Variants in POU2F2 observed in about 807,000 individuals in gnomAD.
POU2F2 encodes POU class 2 homeobox 2.
Under a neutral mutation model 63.5 loss-of-function variants are expected in POU2F2, and 14 were observed. The ratio of observed to expected loss-of-function variants is 0.22; its 90% CI spans 0.15 to 0.34. POU2F2 has a LOEUF of 0.34. POU2F2 is among the 10% of genes least tolerant of loss of function. The pLI is 1.00. For synonymous variants in POU2F2, 306 were observed against 348.6 expected (o/e 0.88, Z 1.36); for missense variants, 607 against 815.2 (o/e 0.74, Z 3.11).
Position 42,122,462 on chromosome 19 carries a change from C to A in POU2F2, c.94+49G>T, listed in dbSNP as rs528335693. ...CCCAGCTCTCTTCCCATCTGTCCCA[C>A]TTCCCCTGCCCACGGTGACCCCTGC... is the stretch of plus-strand genomic sequence containing the variant. On this transcript the variant is annotated intron_variant, in intron 2 of 14. Coordinates refer to ENST00000692977, the MANE Select transcript of POU2F2 (RefSeq NM_001394376.1). 3.1e-6 allele frequency: 5 copies of A among 1,608,290 alleles called. No individual in the cohort carries two copies. In the African/African-American group the frequency reaches 4.0e-5, roughly 13 times the overall value.
chr19:42,144,015 G>A (rs1180969529), intron 2 of POU2F2, among the ~76,000 whole-genome samples: 1 of 152,096 alleles, frequency 6.6e-6, no homozygotes, highest in Non-Finnish European at 1.5e-5. Context: ...GCCAGCACAG[G>A]GAGCATGTGT....
upstream of POU2F2, among the ~76,000 whole-genome samples, chr19:42,178,587 G>A (rs1310468261): frequency 6.6e-6 from 1 of 152,126 alleles, no homozygotes; most frequent in Non-Finnish European, 1.5e-5. Context: ...AACAGAGATG[G>A]AGAGATGCAA....
chr19:42,175,982 C>G (rs1224421435), exon 1 of POU2F2: 20 of 152,082 alleles, frequency 1.3e-4, no homozygotes, highest in Admixed American at 1.3e-3. Flanking sequence ...CCCATTGCAC[C>G]CTGCTTGCTT....
At chr19:42,170,307 C>T (rs2034736169) in intron 1 of POU2F2, among the ~76,000 whole-genome samples, 1 of 151,924 alleles carries the variant, frequency 6.6e-6, no homozygotes, top group Non-Finnish European at 1.5e-5. Context: ...CCCGCCGACA[C>T]CTAGACAGAG....
intron 5 of POU2F2, among the ~76,000 whole-genome samples, chr19:42,108,049 C>A (rs2030414455): frequency 6.6e-6 from 1 of 152,240 alleles, no homozygotes; most frequent in South Asian, 2.1e-4. Context: ...AACGCCCCCT[C>A]CCTAGAGAGG....
chr19:42,124,840 C>T (rs2033040228), intron 1 of POU2F2, among the ~76,000 whole-genome samples: 1 of 152,136 alleles, frequency 6.6e-6, no homozygotes, highest in Non-Finnish European at 1.5e-5. Flanking sequence ...ATTCCAATTA[C>T]AGGAAATTCA....
chr19:42,171,809 C>G (rs978196475), intron 1 of POU2F2, among the ~76,000 whole-genome samples: 26 of 152,038 alleles, frequency 1.7e-4, no homozygotes, highest in Non-Finnish European at 2.8e-4. Flanking sequence ...CTAAAGTAAC[C>G]CCCAACCTTG....
At position 42,174,818 on chromosome 19, in the gene POU2F2, G is replaced by A. The variant is rs542909383; in HGVS notation, c.-70+1145C>T. On this transcript the variant is annotated intron_variant, in intron 1 of 6. Coordinates refer to the POU2F2 transcript ENST00000524801. ...ACCTTCCCCTTATATCCTGGGGGGT[G>A]GAAGGACAAATCCACCTGACAAGAT... Among the ~76,000 whole-genome samples the A allele has an allele frequency of 3.8e-4, 58 of 152,082 alleles. 1 individual carries two copies. Among genetic ancestry groups the A allele is most frequent in the Admixed American group, 2.4e-3 (37 of 15,292 alleles).
chr19:42,116,915 C>T (rs1444599132), intron 5 of POU2F2: 1 of 526,908 alleles, frequency 1.9e-6, no homozygotes. Flanking sequence ...GCGGCAGCGG[C>T]GGCACTGGAC....
intron 5 of POU2F2, among the ~76,000 whole-genome samples, chr19:42,113,369 A>C (rs2146526634): frequency 6.6e-6 from 1 of 152,336 alleles, no homozygotes; most frequent in Admixed American, 6.5e-5. Context: ...CCCCCTCGGC[A>C]GAAGGCAGCA....
rs2034717447 is a variant in POU2F2 at position 42,169,591 on chromosome 19, A to G, written c.-70+6372T>C. Among the ~76,000 whole-genome samples, 1 of 152,190 alleles carries G rather than the reference A, an allele frequency of 6.6e-6. No homozygotes were observed. The highest frequency in any genetic ancestry group is 1.5e-5 in the Non-Finnish European group (1 of 68,022). ...ATGGGTATCTGGCTCCCAGGACCCA[A>G]GGGTGCACATGGCTACCATGTGTTT... On this transcript the variant is annotated intron_variant, in intron 1 of 6. Coordinates refer to the POU2F2 transcript ENST00000524801. This position sits in a 1 kb window ranked among gnomAD's most constrained non-coding sequence, Gnocchi z 4.3.
chr19:42,153,433 T>C lies in POU2F2; in HGVS notation c.-9+6899A>G, dbSNP rs780754010. Among the ~76,000 whole-genome samples the C allele has an allele frequency of 3.9e-5, 6 of 152,172 alleles. No homozygotes were observed. Among genetic ancestry groups the C allele is most frequent in the Admixed American group, 6.5e-5 (1 of 15,280 alleles). On this transcript the variant is annotated intron_variant, in intron 2 of 6. Transcript: ENST00000524801. The surrounding 1 kb of genome is among the most constrained non-coding windows in gnomAD (Gnocchi z 5.6). ...GTCCCCAGTTAATGGGGTAGCTATG[T>C]GTTCCCATGTGCTCTGGGAAGCCTG...
intron 2 of POU2F2, among the ~76,000 whole-genome samples, chr19:42,144,180 T>C (rs945913083): frequency 2.0e-5 from 3 of 152,240 alleles, no homozygotes; most frequent in African/African-American, 7.2e-5. Flanking sequence ...TTTTTAATAA[T>C]GAGTTAATGT....
At chr19:42,129,779 A>G (rs1403535628) in intron 1 of POU2F2, among the ~76,000 whole-genome samples, 1 of 152,150 alleles carries the variant, frequency 6.6e-6, no homozygotes, top group Non-Finnish European at 1.5e-5. Context: ...GGTGGCCTCA[A>G]GGGAGTGAAC....
chr19:42,099,086 A>G lies in POU2F2; in HGVS notation c.567+441T>C, dbSNP rs111860607. On this transcript the variant is annotated intron_variant, in intron 7 of 14. Coordinates refer to ENST00000692977, the MANE Select transcript of POU2F2 (RefSeq NM_001394376.1). Reference sequence around the variant, plus strand: ...AAAGACACCTGTGGGCCTTGTTTTCAGTCTCCAGTCTGGGAAGTGGATGTG... The same window carrying G: ...AAAGACACCTGTGGGCCTTGTTTTCGGTCTCCAGTCTGGGAAGTGGATGTG... 2.4e-3 allele frequency among the ~76,000 whole-genome samples: 371 copies of G among 152,386 alleles called. 5 individuals are homozygous for G. Among genetic ancestry groups the G allele is most frequent in the African/African-American group, 8.4e-3 (349 of 41,586 alleles).
chr19:42,106,423 T>A (rs2030013933), intron 5 of POU2F2, among the ~76,000 whole-genome samples: 1 of 152,052 alleles, frequency 6.6e-6, no homozygotes, highest in Non-Finnish European at 1.5e-5. Flanking sequence ...ATATATAGAA[T>A]TTCAAATGAA....
At chr19:42,166,493 C>T (rs1354787165) in intron 1 of POU2F2, among the ~76,000 whole-genome samples, 2 of 152,132 alleles carry the variant, frequency 1.3e-5, no homozygotes, top group Non-Finnish European at 2.9e-5. Flanking sequence ...CAAGGAAACT[C>T]GAGGCTTAAA....
At chr19:42,191,396 C>T (rs1008756471) in intron 1 of POU2F2, among the ~76,000 whole-genome samples, 8 of 152,224 alleles carry the variant, frequency 5.3e-5, no homozygotes, top group Admixed American at 2.6e-4. Context: ...ATGACTCTCA[C>T]AGCACTCCAG....
upstream of POU2F2, among the ~76,000 whole-genome samples, chr19:42,178,223 A>T (rs1285500398): frequency 3.3e-5 from 5 of 152,080 alleles, 1 homozygote; most frequent in Admixed American, 3.3e-4. Context: ...AGACAAAGAG[A>T]TAAGGAGAAG....
Sources: gnomAD v4.1 joint callset for allele counts (sites outside exome capture counted in the v4.1 genomes callset) on GRCh38, gnomAD v4.1.1 for gene constraint, Gnocchi (gnomAD v3.1) non-coding constraint, MANE v1.5 for transcripts, NCBI Gene and HGNC (gene_info 2026-07-23, HGNC 2026-07-21) for gene names.